RHOT1: variants seen among roughly 807,000 people sequenced by gnomAD.
RHOT1 encodes the protein ras homolog family member T1, also known as mitochondrial Rho GTPase 1.
Under a neutral mutation model 95.3 loss-of-function variants are expected in RHOT1, and 27 were observed. The observed-to-expected ratio is 0.28, with a 90% CI of 0.21 to 0.39. The LOEUF (loss-of-function observed/expected upper bound fraction) is 0.39. RHOT1 is among the 10% of genes least tolerant of loss of function. The probability of loss-of-function intolerance (pLI) is 1.00; values close to 1 mark genes in which losing one functional copy is unlikely to be tolerated. For missense variants in RHOT1, 578 were observed against 786.7 expected (o/e 0.73, Z 3.17); for synonymous variants, 227 against 263.5 (o/e 0.86, Z 1.34).
At chr17:32,175,188 G>A in intron 3 of RHOT1, 131 bp from the exon 4 acceptor site, 2 of 724,382 alleles carry the variant, frequency 2.8e-6, no homozygotes, top group Non-Finnish European at 4.7e-6. Flanking sequence ...CCTTCCCCTG[G>A]CTTTCCCTTG....
chr17:32,152,246 G>A (rs1222368326), intron 1 of RHOT1, among the ~76,000 whole-genome samples: 1 of 152,198 alleles, frequency 6.6e-6, no homozygotes, highest in Non-Finnish European at 1.5e-5. Flanking sequence ...CTATCTCTGA[G>A]GCCTGCCCTG....
chr17:32,176,038 T>C, intron 5 of RHOT1, 23 bp downstream of exon 5: 1 of 1,602,266 alleles, frequency 6.2e-7, no homozygotes, highest in Non-Finnish European at 8.5e-7. Context: ...TTTTTTTCCC[T>C]ATAGTTGGTT....
intron 19 of RHOT1, among the ~76,000 whole-genome samples, chr17:32,220,789 T>C (rs575955053): frequency 6.7e-6 from 1 of 148,430 alleles, no homozygotes; most frequent in South Asian, 2.1e-4. Context: ...TGAGCTGAGA[T>C]TGCGAGACTC....
intron 1 of RHOT1, among the ~76,000 whole-genome samples, chr17:32,144,037 TTATAAC>T (rs1598258496): frequency 1.3e-5 from 2 of 152,206 alleles, no homozygotes; most frequent in East Asian, 3.8e-4. Context: ...TTATTTTTAT[TTATAAC>T]TATATCTTAA....
chr17:32,162,338 C>T (rs2033641735), intron 1 of RHOT1, among the ~76,000 whole-genome samples: 1 of 152,160 alleles, frequency 6.6e-6, no homozygotes, highest in Admixed American at 6.5e-5. Flanking sequence ...ATGCTCTGTG[C>T]CAGAAGCTGG....
chr17:32,171,648 A>T (rs993480698), intron 2 of RHOT1, among the ~76,000 whole-genome samples: 1 of 152,238 alleles, frequency 6.6e-6, no homozygotes, highest in African/African-American at 2.4e-5. Context: ...CATAAAAAAG[A>T]TAATGAGCAT....
At chr17:32,217,079 A>T (rs2038521592) in intron 19 of RHOT1, among the ~76,000 whole-genome samples, 1 of 152,198 alleles carries the variant, frequency 6.6e-6, no homozygotes, top group African/African-American at 2.4e-5. Flanking sequence ...GACAAGGTGA[A>T]GTTTGCCTTA....
intron 11 of RHOT1, among the ~76,000 whole-genome samples, chr17:32,196,722 TCAG>T (rs1366096503): frequency 3.3e-5 from 5 of 152,208 alleles, no homozygotes; most frequent in Non-Finnish European, 5.9e-5. Flanking sequence ...ACAATGTTTC[TCAG>T]CAGTGTTGAG....
In RHOT1 at chr17:32,201,039, A is replaced by G. The variant is rs141923086; in HGVS notation, c.1184A>G (p.Gln395Arg). Reference protein sequence around the residue: ...GYSILTEQESQASAVTVTRDK... With the variant: ...GYSILTEQESRASAVTVTRDK... ...TCAATATTGACTGAGCAAGAGTCTC[A>G]AGCTTCAGCTGTTACAGGTAAGTAT... Residue 395 changes from glutamine to arginine, a missense_variant, in exon 14 of 20, where the codon CAA (glutamine) becomes CGA (arginine). By Grantham distance (43) the Gln-to-Arg change is conservative (BLOSUM62 1). Coordinates refer to ENST00000545287, the MANE Select transcript of RHOT1 (RefSeq NM_001033566.3). 2 of 1,604,328 alleles carry G rather than the reference A, an allele frequency of 1.2e-6. No individual in the cohort carries two copies. The highest frequency in any genetic ancestry group is 1.7e-6 in the Non-Finnish European group (2 of 1,174,420).
intron 8 of RHOT1, 76 bp downstream of exon 8, chr17:32,183,348 A>G (rs2035787142): frequency 2.5e-6 from 2 of 788,308 alleles, no homozygotes; most frequent in Non-Finnish European, 3.7e-6. Flanking sequence ...AGTAACTCTT[A>G]AGTATTTGTG....
intron 1 of RHOT1, among the ~76,000 whole-genome samples, chr17:32,166,896 T>C (rs9899777): frequency 0.046 from 6,931 of 152,278 alleles, 537 homozygotes; most frequent in African/African-American, 0.16. Flanking sequence ...TTTGATCTCC[T>C]GTGAATCACA....
At chr17:32,161,812 A>G (rs1217521798) in intron 1 of RHOT1, among the ~76,000 whole-genome samples, 1 of 152,204 alleles carries the variant, frequency 6.6e-6, no homozygotes, top group Non-Finnish European at 1.5e-5. Context: ...CTGACCAACC[A>G]CAAATTCAGG....
chr17:32,194,976 C>A (rs1450912245), intron 11 of RHOT1, among the ~76,000 whole-genome samples: 1 of 151,980 alleles, frequency 6.6e-6, no homozygotes, highest in Non-Finnish European at 1.5e-5. Flanking sequence ...CAGGCGCCCG[C>A]CACCATGCCC....
At chr17:32,155,159 A>G (rs2032814504) in intron 1 of RHOT1, among the ~76,000 whole-genome samples, 1 of 152,040 alleles carries the variant, frequency 6.6e-6, no homozygotes, top group Non-Finnish European at 1.5e-5. Flanking sequence ...CATTAAATGC[A>G]TTCTCTTTTT....
intron 1 of RHOT1, among the ~76,000 whole-genome samples, chr17:32,147,618 G>A (rs990888455): frequency 4.0e-5 from 6 of 151,852 alleles, no homozygotes; most frequent in Non-Finnish European, 5.9e-5. Flanking sequence ...TCAAGAGTTC[G>A]ACACCAGCCT....
At chr17:32,198,706 C>T (rs1200192637) in intron 11 of RHOT1, among the ~76,000 whole-genome samples, 1 of 151,984 alleles carries the variant, frequency 6.6e-6, no homozygotes, top group Non-Finnish European at 1.5e-5. Flanking sequence ...GAGACCCTGT[C>T]TGAATTTAAA....
chr17:32,192,274 A>G lies in RHOT1; in HGVS notation c.614A>G (p.Asn205Ser), dbSNP rs778544605. The G allele has an allele frequency of 5.1e-6, 8 of 1,580,738 alleles. No individual in the cohort carries two copies. The East Asian group carries it at 1.4e-4, about 27-fold the overall frequency. Residue 205 changes from asparagine (N) to serine (S), a missense_variant, in exon 9 of 20, where the codon AAT (asparagine) becomes AGT (serine). Asn to Ser is a conservative substitution (Grantham distance 46). This residue lies in a region of RHOT1 where 227 missense variants were observed against 316.0 expected (regional missense o/e 0.72). Coordinates refer to ENST00000545287, the MANE Select transcript of RHOT1 (RefSeq NM_001033566.3). ...GATCAAGATAATGATGGTACTCTCA[A>G]TGATGCTGAACTCAACTTCTTTCAG... is the stretch of plus-strand genomic sequence containing the variant. ...ISDQDNDGTL[N>S]DAELNFFQRI... is the part of the protein sequence containing the mutation.
At chr17:32,196,633 T>C (rs2036911407) in intron 11 of RHOT1, among the ~76,000 whole-genome samples, 1 of 152,320 alleles carries the variant, frequency 6.6e-6, no homozygotes, top group Middle Eastern at 3.4e-3. Context: ...ACCAGGCTTT[T>C]GTCCATGCTA....
intron 6 of RHOT1, among the ~76,000 whole-genome samples, chr17:32,180,518 T>C (rs9911706): frequency 0.27 from 41,410 of 151,462 alleles, 7,312 homozygotes; most frequent in African/African-American, 0.5. Context: ...ACAAACACTG[T>C]GTAGGAAAAC....
Sources: gnomAD v4.1 joint callset for allele counts (sites outside exome capture counted in the v4.1 genomes callset) on GRCh38, gnomAD v4.1.1 for gene constraint, gnomAD v4.1.1 regional missense constraint, MANE v1.5 for transcripts, NCBI Gene and HGNC (gene_info 2026-07-23, HGNC 2026-07-21) for gene names.